The following DIAPH2 variants were observed in gnomAD, a reference collection of about 807,000 sequenced individuals.
The protein encoded by DIAPH2 is diaphanous related formin 2.
A neutral mutation model predicts 92.7 loss-of-function variants in DIAPH2; 35 were observed. That is an observed-to-expected ratio of 0.38 (90% CI 0.29 to 0.50). The LOEUF (loss-of-function observed/expected upper bound fraction) is 0.50. Ranked by LOEUF, DIAPH2 falls within the 20% of genes least tolerant of loss-of-function variation. The pLI, the probability that DIAPH2 is intolerant of heterozygous loss-of-function variation, is 0.94. For synonymous variants in DIAPH2, 301 were observed against 280.4 expected (o/e 1.07, Z -0.73); for missense variants, 701 against 819.5 (o/e 0.86, Z 1.77).
At chrX:97,368,494 T>G (rs187090248) in intron 24 of DIAPH2, among the ~76,000 whole-genome samples, 58 of 112,354 alleles carry the variant, frequency 5.2e-4, no homozygotes, top group Admixed American at 1.0e-3. Flanking sequence ...GGAATTTTTT[T>G]TTAAAAGAAA....
chrX:97,100,334 T>C (rs1447488039), intron 20 of DIAPH2, among the ~76,000 whole-genome samples: 1 of 111,807 alleles, frequency 8.9e-6, no homozygotes, highest in African/African-American at 3.2e-5. Flanking sequence ...ACATCATGTC[T>C]TTAAATCATC....
chrX:96,935,878 T>A (rs1403408336), intron 10 of DIAPH2, among the ~76,000 whole-genome samples: 9 of 111,898 alleles, frequency 8.0e-5, no homozygotes, highest in Non-Finnish European at 1.7e-4. Flanking sequence ...AGAGAGAATA[T>A]GTGGTGACAA....
intron 20 of DIAPH2, among the ~76,000 whole-genome samples, chrX:97,110,842 G>T (rs1004310704): frequency 2.7e-5 from 3 of 111,209 alleles, no homozygotes; most frequent in South Asian, 3.8e-4. Flanking sequence ...AATTAGCCGG[G>T]CATGGTGGCG....
chrX:96,842,320 G>A (rs1254201023), intron 4 of DIAPH2, among the ~76,000 whole-genome samples: 1 of 111,844 alleles, frequency 8.9e-6, no homozygotes, highest in Non-Finnish European at 1.9e-5. Context: ...GTAACTTCAT[G>A]TCTCTTGCTT....
chrX:97,477,467 T>C (rs1218022784), intron 26 of DIAPH2, among the ~76,000 whole-genome samples: 2 of 110,833 alleles, frequency 1.8e-5, no homozygotes, highest in Non-Finnish European at 3.8e-5. Flanking sequence ...GTACTAAAAA[T>C]ACAAAAATTA....
At chrX:97,364,681 C>T (rs1275454302) in intron 24 of DIAPH2, among the ~76,000 whole-genome samples, 1 of 110,378 alleles carries the variant, frequency 9.1e-6, no homozygotes, top group African/African-American at 3.3e-5. Context: ...ACATATACAG[C>T]CTGATCACTA....
At chrX:97,163,322 G>T (rs1392635457) in intron 22 of DIAPH2, among the ~76,000 whole-genome samples, 1 of 110,663 alleles carries the variant, frequency 9.0e-6, no homozygotes, top group Admixed American at 9.7e-5. Flanking sequence ...TCGCCATAGT[G>T]GGGGCTACAA....
At chrX:96,826,594 T>C (rs1049090439) in intron 4 of DIAPH2, among the ~76,000 whole-genome samples, 4 of 111,103 alleles carry the variant, frequency 3.6e-5, no homozygotes, top group African/African-American at 6.5e-5. Context: ...TATACCACCA[T>C]GTAAGTTGAA....
At chrX:97,357,358 T>TCTTCTGTCAGAAAAGATGCCGTCACCC (rs2069277300) in intron 24 of DIAPH2, among the ~76,000 whole-genome samples, 1 of 111,619 alleles carries the variant, frequency 9.0e-6, no homozygotes, top group African/African-American at 3.3e-5. Flanking sequence ...TGCTAATTAA[T>TCTTCTGTCAGAAAAGATGCCGTCACCC]CTTCTGTCAG....
chrX:97,466,900 T>C (rs2070517377), intron 26 of DIAPH2, among the ~76,000 whole-genome samples: 1 of 112,344 alleles, frequency 8.9e-6, no homozygotes, highest in African/African-American at 3.2e-5. Flanking sequence ...GGTATGTTTA[T>C]ATGTATTGCT....
intron 22 of DIAPH2, among the ~76,000 whole-genome samples, chrX:97,176,922 C>T (rs994818966): frequency 1.8e-5 from 2 of 112,015 alleles, no homozygotes; most frequent in Non-Finnish European, 3.8e-5. Context: ...AACCTATGCA[C>T]ATCCTCCCAT....
intron 4 of DIAPH2, among the ~76,000 whole-genome samples, chrX:96,873,454 G>GA (rs1396115374): frequency 3.7e-5 from 4 of 109,385 alleles, no homozygotes; most frequent in Admixed American, 1.0e-4. Flanking sequence ...TGATACTTTT[G>GA]AAAAAAAATG....
chrX:96,704,390 A>G (rs947231822), intron 1 of DIAPH2, among the ~76,000 whole-genome samples: 3 of 111,739 alleles, frequency 2.7e-5, no homozygotes, highest in African/African-American at 9.8e-5. Flanking sequence ...CTCCCCTGGT[A>G]TGTTGAGTCA....
chrX:96,847,693 A>G (rs977213841), intron 4 of DIAPH2, among the ~76,000 whole-genome samples: 1 of 110,579 alleles, frequency 9.0e-6, no homozygotes, highest in Non-Finnish European at 1.9e-5. Context: ...GGTAAATTGC[A>G]TGTTGAGGGA....
intron 24 of DIAPH2, among the ~76,000 whole-genome samples, chrX:97,355,792 T>C (rs2069260806): frequency 9.0e-6 from 1 of 111,554 alleles, no homozygotes; most frequent in Non-Finnish European, 1.9e-5. Context: ...TCTTTACCCC[T>C]AAAAGTACAC....
At chrX:97,314,157 C>G (rs1173729218) in intron 23 of DIAPH2, among the ~76,000 whole-genome samples, 1 of 107,651 alleles carries the variant, frequency 9.3e-6, no homozygotes, top group Non-Finnish European at 1.9e-5. Context: ...ACCTGTAATC[C>G]CAACACTTTG....
intron 1 of DIAPH2, among the ~76,000 whole-genome samples, chrX:96,731,238 A>G (rs1490489702): frequency 9.0e-6 from 1 of 111,073 alleles, no homozygotes; most frequent in Non-Finnish European, 1.9e-5. Context: ...GGCCTGACAA[A>G]CAGATGCATA....
rs186619341 is a variant in DIAPH2 at position 96,719,366 on chromosome X, A to T, written c.133-16392A>T. Among the ~76,000 whole-genome samples the T allele has an allele frequency of 2.6e-3, 290 of 112,227 alleles. 2 individuals carry two copies. The highest frequency in any genetic ancestry group is 8.8e-3 in the African/African-American group (272 of 30,909). ...ATGCAAGTAATCTTTGCCCGGTCCAATGTCCTAGAGGACCTTCCCCAATGT... is the reference window on the plus strand; with the variant it reads ...ATGCAAGTAATCTTTGCCCGGTCCATTGTCCTAGAGGACCTTCCCCAATGT... On this transcript the variant is annotated intron_variant, in intron 1 of 26. Transcript: ENST00000324765.
chrX:96,871,498 A>G (rs868024009), intron 4 of DIAPH2, among the ~76,000 whole-genome samples: 18 of 88,859 alleles, frequency 2.0e-4, no homozygotes, highest in Middle Eastern at 5.7e-3. Flanking sequence ...AAAAAAAGGT[A>G]GTGTACTTTT....
Sources: gnomAD v4.1 joint callset for allele counts (sites outside exome capture counted in the v4.1 genomes callset) on GRCh38, gnomAD v4.1.1 for gene constraint, MANE v1.5 for transcripts, NCBI Gene and HGNC (gene_info 2026-07-23, HGNC 2026-07-21) for gene names.